NEDD4: variants seen among roughly 807,000 people sequenced by gnomAD.
NEDD4 encodes the protein E3 ubiquitin-protein ligase NEDD4.
NEDD4 carries 99 observed loss-of-function variants against 144.9 expected under a neutral mutation model. The observed-to-expected ratio is 0.68, with a 90% CI of 0.58 to 0.81. NEDD4 has a LOEUF of 0.81. NEDD4 is among the 30% of genes least tolerant of loss of function. The pLI is 0.00. For synonymous variants in NEDD4, 318 were observed against 350.6 expected (o/e 0.91, Z 1.04); for missense variants, 985 against 1,065.9 (o/e 0.92, Z 1.06).
chr15:55,869,789 G>A lies in NEDD4; in HGVS notation c.405-108C>T, dbSNP rs1248864179. 11 of 666,186 alleles carry A rather than the reference G, an allele frequency of 1.7e-5. No homozygotes were observed. The African/African-American group carries it at 2.0e-4, about 12-fold the overall frequency. The allele number at this position is 666,186 out of a possible 1,614,324, so 41.3% of individuals were successfully genotyped here. On this transcript the variant is annotated intron_variant, in intron 7 of 28. Transcript: ENST00000435532. ...CTAGGTACCAGGGGGTCTACAAAGGGAGGTTCAAAGACAAGTTCCAGGGCA... is the reference window on the plus strand; with the variant it reads ...CTAGGTACCAGGGGGTCTACAAAGGAAGGTTCAAAGACAAGTTCCAGGGCA...
At chr15:55,854,538 T>C (rs1174615592) in intron 12 of NEDD4, among the ~76,000 whole-genome samples, 1 of 151,876 alleles carries the variant, frequency 6.6e-6, no homozygotes. Context: ...ACCCTACGAG[T>C]CCCTTTACAC....
intron 4 of NEDD4, among the ~76,000 whole-genome samples, chr15:55,932,439 A>G (rs1219401999): frequency 5.3e-5 from 8 of 152,216 alleles, no homozygotes; most frequent in African/African-American, 1.9e-4. Context: ...TATTTAATAA[A>G]TGATGCTGGG....
chr15:55,890,088 T>C (rs1016989730), intron 5 of NEDD4, among the ~76,000 whole-genome samples: 6 of 152,178 alleles, frequency 3.9e-5, no homozygotes, highest in African/African-American at 1.4e-4. Context: ...GGATACCCCA[T>C]TTACTCTGAT....
At chr15:55,942,938 C>T (rs1439395021) in intron 4 of NEDD4, among the ~76,000 whole-genome samples, 1 of 152,080 alleles carries the variant, frequency 6.6e-6, no homozygotes, top group Non-Finnish European at 1.5e-5. Flanking sequence ...GAGGTGGTCT[C>T]GAAGACAAGG....
At chr15:55,944,806 A>C (rs1019733535) in intron 4 of NEDD4, among the ~76,000 whole-genome samples, 1 of 152,166 alleles carries the variant, frequency 6.6e-6, no homozygotes, top group Non-Finnish European at 1.5e-5. Flanking sequence ...ATGAGGCAGC[A>C]ATATTTGCTG....
At chr15:55,946,189 C>A (rs12594053) in intron 4 of NEDD4, among the ~76,000 whole-genome samples, 117,080 of 152,134 alleles carry the variant, frequency 0.77, 45,227 homozygotes, top group Middle Eastern at 0.82. Flanking sequence ...TAAATGCCCC[C>A]ATTAAAAGAC....
At chr15:55,904,970 T>C (rs1278874192) in intron 5 of NEDD4, among the ~76,000 whole-genome samples, 1 of 151,638 alleles carries the variant, frequency 6.6e-6, no homozygotes, top group Non-Finnish European at 1.5e-5. Flanking sequence ...CACATGCCTG[T>C]AATCCCAGCT....
chr15:55,888,376 T>C (rs753140628), intron 5 of NEDD4, among the ~76,000 whole-genome samples: 63 of 152,190 alleles, frequency 4.1e-4, no homozygotes, highest in Middle Eastern at 6.8e-3. Flanking sequence ...GCAATCCTAT[T>C]TACAATAACT....
intron 12 of NEDD4, among the ~76,000 whole-genome samples, chr15:55,855,175 A>C (rs1287677336): frequency 6.6e-6 from 1 of 152,202 alleles, no homozygotes; most frequent in Non-Finnish European, 1.5e-5. Flanking sequence ...TTCTTAGTGC[A>C]GGGTGTTATT....
At chr15:55,838,633 T>A (rs1455862137) in intron 21 of NEDD4, 29 bp from the exon 22 acceptor site, 1 of 1,501,434 alleles carries the variant, frequency 6.7e-7, no homozygotes. Context: ...ATATTTAAAA[T>A]TTGTATCTAT....
intron 5 of NEDD4, among the ~76,000 whole-genome samples, chr15:55,918,781 T>C (rs2036514120): frequency 6.6e-6 from 1 of 152,222 alleles, no homozygotes; most frequent in African/African-American, 2.4e-5. Flanking sequence ...TTTGCTTTTG[T>C]ATAAACCACC....
chr15:55,867,034 T>C (rs1373745692), intron 8 of NEDD4, among the ~76,000 whole-genome samples: 2 of 152,246 alleles, frequency 1.3e-5, no homozygotes, highest in African/African-American at 2.4e-5. Flanking sequence ...ATGTTAATTT[T>C]GTAAAATACA....
intron 4 of NEDD4, among the ~76,000 whole-genome samples, chr15:55,940,266 A>T (rs1355440450): frequency 6.6e-6 from 1 of 152,168 alleles, no homozygotes; most frequent in African/African-American, 2.4e-5. Flanking sequence ...AAAGGGGGTG[A>T]TAGGAGGAAA....
chr15:55,868,123 G>A (rs1475472230), intron 8 of NEDD4, among the ~76,000 whole-genome samples: 3 of 151,488 alleles, frequency 2.0e-5, no homozygotes, highest in African/African-American at 7.3e-5. Flanking sequence ...AATCTCATTA[G>A]TGCATTTAAA....
intron 2 of NEDD4, among the ~76,000 whole-genome samples, chr15:55,961,611 C>G (rs1341511602): frequency 6.6e-6 from 1 of 152,108 alleles, no homozygotes; most frequent in African/African-American, 2.4e-5. Context: ...GCTGGGACTA[C>G]AGGAGCCCAC....
chr15:55,859,786 C>T (rs1566915325), intron 11 of NEDD4, among the ~76,000 whole-genome samples: 1 of 152,146 alleles, frequency 6.6e-6, no homozygotes, highest in Non-Finnish European at 1.5e-5. Flanking sequence ...TGGCCTGGCA[C>T]TCATAGGTAA....
At chr15:55,892,891 T>C (rs1271249740) in intron 5 of NEDD4, among the ~76,000 whole-genome samples, 4 of 152,158 alleles carry the variant, frequency 2.6e-5, no homozygotes, top group African/African-American at 9.7e-5. Context: ...TAGTTCCCTA[T>C]TGACAGACAA....
chr15:55,931,298 A>C (rs906444645), intron 4 of NEDD4, among the ~76,000 whole-genome samples: 11 of 152,194 alleles, frequency 7.2e-5, no homozygotes, highest in African/African-American at 2.4e-4. Flanking sequence ...TCAGAGTAAC[A>C]AACAGAAACA....
chr15:55,932,123 T>C (rs558207207), intron 4 of NEDD4, among the ~76,000 whole-genome samples: 3 of 152,246 alleles, frequency 2.0e-5, no homozygotes, highest in South Asian at 2.1e-4. Context: ...TGGGAGGTAA[T>C]TGAATCATGG....
Sources: gnomAD v4.1 joint callset for allele counts (sites outside exome capture counted in the v4.1 genomes callset) on GRCh38, gnomAD v4.1.1 for gene constraint, MANE v1.5 for transcripts, NCBI Gene and HGNC (gene_info 2026-07-23, HGNC 2026-07-21) for gene names.